Variants in WLS observed in about 807,000 individuals in gnomAD.
The protein encoded by WLS is Wnt ligand secretion mediator.
A neutral mutation model predicts 62.8 loss-of-function variants in WLS; 23 were observed. The ratio of observed to expected loss-of-function variants is 0.37; its 90% CI spans 0.26 to 0.52. The LOEUF (loss-of-function observed/expected upper bound fraction) is 0.52. Among genes scored for constraint, WLS ranks in the 20% least tolerant of loss-of-function variants. WLS has a pLI of 0.92. For synonymous variants in WLS, 246 were observed against 244.1 expected, an observed-to-expected ratio of 1.01 and a Z score of -0.07; for missense variants, 615 against 697.3, an observed-to-expected ratio of 0.88 and a Z score of 1.33.
chr1:68,127,708 T>C lies in WLS; in HGVS notation c.1517-1373A>G, dbSNP rs892295443. ...TTTTCTGGAACTGAAGTTTTTCTAA[T>C]TTAAAGCATAGAATTAAGTAACTAA... On this transcript the variant is annotated intron_variant, in intron 11 of 11. Coordinates refer to ENST00000262348, the MANE Select transcript of WLS (RefSeq NM_024911.7). Among the ~76,000 whole-genome samples, 3 of 152,184 alleles carry C rather than the reference T, an allele frequency of 2.0e-5. No homozygotes were observed. In the South Asian group the frequency reaches 6.2e-4, roughly 31 times the overall value.
At chr1:68,225,952 A>G (rs1295953195) in intron 1 of WLS, among the ~76,000 whole-genome samples, 1 of 152,240 alleles carries the variant, frequency 6.6e-6, no homozygotes, top group Admixed American at 6.5e-5. Flanking sequence ...TGCTTTAGTC[A>G]ATTGGATGAT....
At chr1:68,184,833 GTC>G (rs1413557941) in intron 2 of WLS, among the ~76,000 whole-genome samples, 1 of 152,286 alleles carries the variant, frequency 6.6e-6, no homozygotes, top group East Asian at 1.9e-4. Context: ...GTATCTATGA[GTC>G]TCTAGATTTT....
At chr1:68,153,756 G>C in intron 4 of WLS, 103 bp from the exon 5 acceptor site, 1 of 1,459,572 alleles carries the variant, frequency 6.9e-7, no homozygotes, top group Non-Finnish European at 9.4e-7. Context: ...CCTCGTCTGC[G>C]AATGTTCACG....
rs901030420 is a variant in WLS, at chr1:68,153,282, A to T, written c.803+235T>A. 4.6e-5 allele frequency among the ~76,000 whole-genome samples: 7 copies of T among 152,278 alleles called. No homozygotes were observed. In the East Asian group the frequency reaches 1.2e-3, roughly 25 times the overall value. ...GAGTGAGACCTTGTCTCCAAAAAAT[A>T]AATTAATTAATTAAAAAGAGCCAGA... On this transcript the variant is annotated intron_variant, in intron 5 of 11. Transcript: ENST00000262348.
chr1:68,179,928 T>C (rs548210646), intron 2 of WLS, among the ~76,000 whole-genome samples: 4 of 152,310 alleles, frequency 2.6e-5, no homozygotes, highest in African/African-American at 9.6e-5. Flanking sequence ...GCTTCCCCTT[T>C]GGCCAAGGGA....
chr1:68,125,977 T>C lies in WLS; in HGVS notation c.*249A>G. 1.7e-6 allele frequency: 2 copies of C among 1,197,264 alleles called. No individual in the cohort carries two copies. The highest frequency in any genetic ancestry group is 2.1e-6 in the Non-Finnish European group (2 of 958,098). 74.2% of individuals were successfully genotyped at this position (1,197,264 alleles called of 1,614,324 possible). ...ATGTTACTATGTCACTAATTAACAA[T>C]GATCACAGAAAATGTGTCATACCAG... On this transcript the variant is annotated 3_prime_UTR_variant, in exon 12 of 12. Coordinates refer to ENST00000262348, the MANE Select transcript of WLS (RefSeq NM_024911.7).
intron 5 of WLS, among the ~76,000 whole-genome samples, chr1:68,150,791 A>G (rs992009790): frequency 2.0e-5 from 3 of 152,252 alleles, no homozygotes; most frequent in Non-Finnish European, 4.4e-5. Context: ...TTTCAATAAT[A>G]CATGACTCCA....
chr1:68,110,654 T>TCC (rs1324057355), intron 11 of WLS, among the ~76,000 whole-genome samples: 16 of 25,582 alleles, frequency 6.3e-4, no homozygotes, highest in African/African-American at 1.3e-3. Flanking sequence ...CCCAAAAATC[T>TCC]CTGTCTCTCT....
At chr1:68,226,326 G>A (rs1456307456) in intron 1 of WLS, among the ~76,000 whole-genome samples, 3 of 152,036 alleles carry the variant, frequency 2.0e-5, no homozygotes, top group Non-Finnish European at 4.4e-5. Flanking sequence ...AGGTAATCTT[G>A]TGCAGTTTTA....
intron 2 of WLS, among the ~76,000 whole-genome samples, chr1:68,163,692 C>G (rs1323570351): frequency 6.6e-6 from 1 of 150,916 alleles, no homozygotes; most frequent in African/African-American, 2.4e-5. Context: ...CCTGCCACCA[C>G]TAGGGTTATG....
At chr1:68,113,058 G>A (rs2988018) in intron 11 of WLS, among the ~76,000 whole-genome samples, 136,753 of 152,204 alleles carry the variant, frequency 0.9, 61,744 homozygotes, top group Middle Eastern at 0.97. Flanking sequence ...TTCTGGGGAC[G>A]CTGGTCAGCC....
At chr1:68,118,004 A>G (rs1006505326) in intron 11 of WLS, among the ~76,000 whole-genome samples, 1 of 152,212 alleles carries the variant, frequency 6.6e-6, no homozygotes, top group Non-Finnish European at 1.5e-5. Context: ...AAACTAGAAA[A>G]AATGTGGGTG....
Position 68,194,106 on chromosome 1 carries a change from G to A in WLS, c.228C>T (p.Asp76=), listed in dbSNP as rs769247703. The part of the protein sequence containing the change: ...WGPNHCDKIR[D]IEEAIPREIE... ...TTTCCCTTGGAATTGCCTCTTCAAT[G>A]TCTCGGATCTTGTCACAATGATTGG... The change falls in exon 2 of 12, where the codon GAC becomes GAT. Residue 76 remains aspartate (D), a synonymous_variant. Transcript: ENST00000262348. The A allele has an allele frequency of 1.9e-6, 3 of 1,614,152 alleles. No individual in the cohort carries two copies. Among genetic ancestry groups the A allele is most frequent in the Admixed American group, 3.3e-5 (2 of 60,030 alleles).
At chr1:68,224,364 C>T (rs1450851926) in intron 1 of WLS, among the ~76,000 whole-genome samples, 1 of 152,172 alleles carries the variant, frequency 6.6e-6, no homozygotes, top group Non-Finnish European at 1.5e-5. Context: ...CATATATTTC[C>T]AGAGCCCTTC....
At chr1:68,162,124 G>A in intron 2 of WLS, 1 of 1,529,140 alleles carries the variant, frequency 6.5e-7, no homozygotes, top group East Asian at 2.3e-5. Flanking sequence ...GCTGTACCAG[G>A]CAGTGTGAGG....
At chr1:68,165,356 G>C (rs1190320994) in intron 2 of WLS, among the ~76,000 whole-genome samples, 2 of 152,068 alleles carry the variant, frequency 1.3e-5, no homozygotes, top group African/African-American at 4.8e-5. Flanking sequence ...AGGACAAGAA[G>C]ACTCCCAAGT....
chr1:68,146,558 G>A (rs950829134), intron 8 of WLS, among the ~76,000 whole-genome samples: 3 of 152,172 alleles, frequency 2.0e-5, no homozygotes, highest in Non-Finnish European at 4.4e-5. Context: ...ATGCGATTGA[G>A]ATACTCTGGC....
chr1:68,149,921 C>T (rs1175791393), intron 6 of WLS, among the ~76,000 whole-genome samples: 1 of 152,182 alleles, frequency 6.6e-6, no homozygotes, highest in Non-Finnish European at 1.5e-5. Flanking sequence ...ATGAAAACCC[C>T]ATGCAGTAGG....
chr1:68,144,614 G>T lies in WLS; in HGVS notation c.1317C>A (p.Thr439=), dbSNP rs775132220. ...IFRFKFLMLI[T]LACAAMTVIF... is the part of the protein sequence containing the mutation. ...TGACAGTCATGGCAGCGCAGGCCAAGGTGATAAGCATGAGGAACTTGAACC... is the reference window on the plus strand; with the variant it reads ...TGACAGTCATGGCAGCGCAGGCCAATGTGATAAGCATGAGGAACTTGAACC... The change falls in exon 10 of 12, where the codon ACC becomes ACA. Residue 439 remains threonine, a synonymous_variant. Transcript: ENST00000262348. 7 of 1,613,686 alleles carry T rather than the reference G, an allele frequency of 4.3e-6. No homozygotes were observed. The Admixed American group carries it at 6.7e-5, about 15-fold the overall frequency.
Sources: allele counts gnomAD v4.1 joint callset (sites outside exome capture counted in the v4.1 genomes callset), GRCh38; gene constraint gnomAD v4.1.1; transcripts MANE v1.5; gene names NCBI Gene and HGNC (gene_info 2026-07-23, HGNC 2026-07-21).